The following SLC24A2 variants were observed in gnomAD, a reference collection of about 807,000 sequenced individuals.
SLC24A2 encodes solute carrier family 24 member 2.
Under a neutral mutation model 62.0 loss-of-function variants are expected in SLC24A2, and 36 were observed. The ratio of observed to expected loss-of-function variants is 0.58; its 90% CI spans 0.44 to 0.77. SLC24A2 has a LOEUF of 0.77. Among genes scored for constraint, SLC24A2 ranks in the 30% least tolerant of loss-of-function variants. The pLI is 0.00. For synonymous variants in SLC24A2, 358 were observed against 294.0 expected (o/e 1.22, Z -2.23); for missense variants, 846 against 817.9 (o/e 1.03, Z -0.42).
the SLC24A2 span, among the ~76,000 whole-genome samples, chr9:19,877,063 T>A: frequency 6.6e-6 from 1 of 152,002 alleles, no homozygotes; most frequent in Admixed American, 6.6e-5. Context: ...ACCTTTGCCT[T>A]TCTTTAGGGG....
At chr9:20,149,397 A>G in the SLC24A2 span, among the ~76,000 whole-genome samples, 3 of 151,940 alleles carry the variant, frequency 2.0e-5, no homozygotes, top group Non-Finnish European at 4.4e-5. Context: ...AGTAACTTCC[A>G]TAGGGATGAT....
At chr9:19,653,302 G>T (rs1179078823) in intron 2 of SLC24A2, among the ~76,000 whole-genome samples, 1 of 152,152 alleles carries the variant, frequency 6.6e-6, no homozygotes, top group Non-Finnish European at 1.5e-5. Flanking sequence ...ACTTAATCAC[G>T]TGCAATCATT....
the SLC24A2 span, among the ~76,000 whole-genome samples, chr9:19,891,188 G>A: frequency 6.6e-6 from 1 of 152,146 alleles, no homozygotes; most frequent in African/African-American, 2.4e-5. Context: ...GTGGCCTCCT[G>A]TCTCTTCTTT....
the SLC24A2 span, among the ~76,000 whole-genome samples, chr9:19,994,382 C>T: frequency 3.3e-5 from 5 of 152,134 alleles, no homozygotes; most frequent in African/African-American, 9.7e-5. Flanking sequence ...ATTCTGTGGG[C>T]AAGAGTCCTG....
At chr9:20,115,227 A>G in the SLC24A2 span, among the ~76,000 whole-genome samples, 6 of 152,138 alleles carry the variant, frequency 3.9e-5, no homozygotes, top group Non-Finnish European at 7.4e-5. Context: ...GTCTCAGGTA[A>G]TGTCCCTCAG....
chr9:20,294,791 T>C, the SLC24A2 span, among the ~76,000 whole-genome samples: 4 of 152,140 alleles, frequency 2.6e-5, no homozygotes, highest in Admixed American at 6.6e-5. Flanking sequence ...AAGTGCACGT[T>C]GGTGACAGAA....
chr9:20,215,598 TTA>T, the SLC24A2 span, among the ~76,000 whole-genome samples: 1 of 152,222 alleles, frequency 6.6e-6, no homozygotes, highest in South Asian at 2.1e-4. Flanking sequence ...CCAGGACTTC[TTA>T]TATACACTTA....
chr9:19,977,193 A>G, the SLC24A2 span, among the ~76,000 whole-genome samples: 1 of 151,886 alleles, frequency 6.6e-6, no homozygotes, highest in Admixed American at 6.6e-5. Flanking sequence ...ATCAGGCAAA[A>G]TGGAAATTGG....
chr9:20,212,221 A>G, the SLC24A2 span, among the ~76,000 whole-genome samples: 1 of 151,906 alleles, frequency 6.6e-6, no homozygotes. Flanking sequence ...ACAAGACAAA[A>G]AGTATAATTT....
chr9:20,149,148 C>T, the SLC24A2 span, among the ~76,000 whole-genome samples: 14 of 152,060 alleles, frequency 9.2e-5, no homozygotes, highest in East Asian at 2.7e-3. Flanking sequence ...GGTGAAAAGT[C>T]CTGGTGAGAA....
At chr9:20,248,101 T>C in the SLC24A2 span, among the ~76,000 whole-genome samples, 1 of 152,238 alleles carries the variant, frequency 6.6e-6, no homozygotes, top group Non-Finnish European at 1.5e-5. Flanking sequence ...CCGTGTGTTC[T>C]TGTTAAACTC....
chr9:20,264,747 C>T, the SLC24A2 span, among the ~76,000 whole-genome samples: 255 of 152,266 alleles, frequency 1.7e-3, 4 homozygotes, highest in East Asian at 0.025. Context: ...TTTTTCCTGA[C>T]GCTAAACTTT....
the SLC24A2 span, among the ~76,000 whole-genome samples, chr9:20,055,192 G>T: frequency 6.6e-6 from 1 of 152,100 alleles, no homozygotes; most frequent in African/African-American, 2.4e-5. Context: ...ATCCCAGAAT[G>T]AACCAGTTAA....
At chr9:19,880,293 G>C in the SLC24A2 span, among the ~76,000 whole-genome samples, 1 of 152,164 alleles carries the variant, frequency 6.6e-6, no homozygotes, top group East Asian at 1.9e-4. Context: ...ACTCGGGACT[G>C]GTTGGCATGC....
chr9:19,513,940 C>T lies in SLC24A2; in HGVS notation c.*2213G>A, dbSNP rs1421247408. ...GACCTTGATGAATGAGATTCATTCC[C>T]ATTAGGTGGCAGGTTCCACTCAGCG... is the stretch of plus-strand genomic sequence containing the variant. On this transcript the variant is annotated 3_prime_UTR_variant, in exon 11 of 11. Transcript: ENST00000341998. 1 of 152,156 alleles carries T rather than the reference C, an allele frequency of 6.6e-6. No homozygotes were observed. The highest frequency in any genetic ancestry group is 6.5e-5 in the Admixed American group (1 of 15,276). The allele number at this position is 152,156 out of a possible 1,614,324, so 9.4% of individuals were successfully genotyped here. A position where few individuals can be genotyped will look rare whatever the true frequency, so the allele number is the denominator to read the frequency against.
At chr9:20,258,829 C>CTACCT in the SLC24A2 span, among the ~76,000 whole-genome samples, 19 of 130,212 alleles carry the variant, frequency 1.5e-4, no homozygotes, top group East Asian at 4.9e-4. Flanking sequence ...ATCTATCTAT[C>CTACCT]TATCTGTCTA....
At chr9:19,737,329 A>G (rs1212476388) in intron 2 of SLC24A2, among the ~76,000 whole-genome samples, 3 of 152,254 alleles carry the variant, frequency 2.0e-5, no homozygotes, top group African/African-American at 7.2e-5. Flanking sequence ...TATTGTTTAT[A>G]TATGACTGAA....
At chr9:20,048,634 C>T in the SLC24A2 span, among the ~76,000 whole-genome samples, 1 of 151,974 alleles carries the variant, frequency 6.6e-6, no homozygotes, top group Admixed American at 6.6e-5. Flanking sequence ...GAAACCGGCA[C>T]TGAGACAAAT....
chr9:19,698,764 T>C (rs1227838673), intron 2 of SLC24A2, among the ~76,000 whole-genome samples: 1 of 152,162 alleles, frequency 6.6e-6, no homozygotes, highest in Non-Finnish European at 1.5e-5. Context: ...TCACTCTCTG[T>C]ATTGCAGAAG....
Sources: allele counts gnomAD v4.1 joint callset (sites outside exome capture counted in the v4.1 genomes callset), GRCh38; gene constraint gnomAD v4.1.1; transcripts MANE v1.5; gene names NCBI Gene and HGNC (gene_info 2026-07-23, HGNC 2026-07-21).